Variants in PELI2 observed in about 807,000 individuals in gnomAD.
PELI2 encodes pellino E3 ubiquitin protein ligase family member 2.
In PELI2, 23 loss-of-function variants were observed where a neutral mutation model predicts 42.3. The ratio of observed to expected loss-of-function variants is 0.54; its 90% CI spans 0.39 to 0.77. The LOEUF is 0.77. Ranked by LOEUF, PELI2 falls within the 30% of genes least tolerant of loss-of-function variation. PELI2 has a pLI of 0.00. For missense variants in PELI2, 463 were observed against 553.2 expected, an observed-to-expected ratio of 0.84 and a Z score of 1.64; for synonymous variants, 245 against 212.2, an observed-to-expected ratio of 1.15 and a Z score of -1.34.
rs942084701 is a variant in PELI2, at chr14:56,128,443, C to G, written c.77+9706C>G. 5.3e-5 allele frequency among the ~76,000 whole-genome samples: 8 copies of G among 152,200 alleles called. No individual in the cohort carries two copies. The East Asian group carries it at 1.5e-3, about 29-fold the overall frequency. ...TAATGACTTGTCCAAGCTCACTCCC[C>G]TAGTTAGTGGGAATCTGATTAGAAG... is the stretch of plus-strand genomic sequence containing the variant. On this transcript the variant is annotated intron_variant, in intron 1 of 5. Transcript: ENST00000267460.
intron 1 of PELI2, among the ~76,000 whole-genome samples, chr14:56,173,575 A>G (rs1183742897): frequency 6.6e-6 from 1 of 152,138 alleles, no homozygotes; most frequent in Non-Finnish European, 1.5e-5. Context: ...TCATTCTCTT[A>G]CAGTTCTAGA....
intron 2 of PELI2, among the ~76,000 whole-genome samples, chr14:56,204,202 A>G (rs1448752647): frequency 6.6e-6 from 1 of 152,240 alleles, no homozygotes; most frequent in Non-Finnish European, 1.5e-5. Flanking sequence ...AAAGATCTCA[A>G]AGTTGGTGAA....
At chr14:56,137,242 T>C (rs1424344231) in intron 1 of PELI2, among the ~76,000 whole-genome samples, 4 of 151,916 alleles carry the variant, frequency 2.6e-5, no homozygotes, top group African/African-American at 9.7e-5. Context: ...TGAGTGTGTA[T>C]AGTAAGATGA....
chr14:56,286,756 T>C (rs925875425), intron 3 of PELI2, among the ~76,000 whole-genome samples: 5 of 152,194 alleles, frequency 3.3e-5, no homozygotes, highest in Non-Finnish European at 5.9e-5. Flanking sequence ...TTTGTTGTTG[T>C]TGTTGTTTTG....
At chr14:56,125,926 T>C (rs1883242220) in intron 1 of PELI2, among the ~76,000 whole-genome samples, 1 of 152,140 alleles carries the variant, frequency 6.6e-6, no homozygotes, top group South Asian at 2.1e-4. Context: ...CACATGGAGA[T>C]GTGGCCAGGG....
At chr14:56,248,883 A>G (rs577510766) in intron 2 of PELI2, among the ~76,000 whole-genome samples, 6 of 152,106 alleles carry the variant, frequency 3.9e-5, no homozygotes, top group South Asian at 4.2e-4. Flanking sequence ...CTGCCATGCC[A>G]CTTGTAGAGG....
chr14:56,165,937 T>C (rs1223002320), intron 1 of PELI2, among the ~76,000 whole-genome samples: 5 of 152,174 alleles, frequency 3.3e-5, no homozygotes, highest in Admixed American at 1.3e-4. Flanking sequence ...AGGCAACAGA[T>C]CAATGGGTCA....
chr14:56,217,295 C>G (rs536252376), intron 2 of PELI2, among the ~76,000 whole-genome samples: 2 of 152,336 alleles, frequency 1.3e-5, no homozygotes, highest in Admixed American at 1.3e-4. Flanking sequence ...CCCTCCACCT[C>G]CTGGCAGGCC....
At chr14:56,165,513 A>C (rs538086433) in intron 1 of PELI2, among the ~76,000 whole-genome samples, 4 of 152,174 alleles carry the variant, frequency 2.6e-5, no homozygotes, top group Admixed American at 2.0e-4. Context: ...AATGTGGTCT[A>C]TCCTTGAGAA....
At chr14:56,234,456 A>G (rs1419906147) in intron 2 of PELI2, among the ~76,000 whole-genome samples, 1 of 152,188 alleles carries the variant, frequency 6.6e-6, no homozygotes, top group Admixed American at 6.5e-5. Flanking sequence ...TTGTAGGGAC[A>G]TGGGTGAAGC....
chr14:56,257,587 G>A (rs573006825), intron 2 of PELI2, among the ~76,000 whole-genome samples: 14 of 152,182 alleles, frequency 9.2e-5, no homozygotes, highest in African/African-American at 3.1e-4. Context: ...AAATGTATGC[G>A]AAAAAGAATT....
chr14:56,210,688 G>A lies in PELI2; in HGVS notation c.207+32224G>A, dbSNP rs113809929. On this transcript the variant is annotated intron_variant, in intron 2 of 5. Coordinates refer to ENST00000267460, the MANE Select transcript of PELI2 (RefSeq NM_021255.3). The stretch of plus-strand genomic sequence containing the variant: ...TCTGCAATTAAGGAGGTCAGAGAAC[G>A]AAAAGGCTAAGGTTCCATTTGGCCA... Among the ~76,000 whole-genome samples, 7 of 152,266 alleles carry A rather than the reference G, an allele frequency of 4.6e-5. 1 individual carries two copies. The highest frequency in any genetic ancestry group is 2.0e-4 in the Admixed American group (3 of 15,308).
intron 2 of PELI2, among the ~76,000 whole-genome samples, chr14:56,267,506 G>T (rs986039653): frequency 6.6e-6 from 1 of 152,126 alleles, no homozygotes; most frequent in Admixed American, 6.6e-5. Flanking sequence ...TACTTCCAAG[G>T]AAAGACATTC....
At chr14:56,159,263 G>C (rs117227587) in intron 1 of PELI2, among the ~76,000 whole-genome samples, 1 of 152,170 alleles carries the variant, frequency 6.6e-6, no homozygotes, top group African/African-American at 2.4e-5. Context: ...GTGGCTTTGC[G>C]CCTGCTGTGT....
At chr14:56,166,552 G>A (rs1325482860) in intron 1 of PELI2, among the ~76,000 whole-genome samples, 2 of 152,142 alleles carry the variant, frequency 1.3e-5, no homozygotes, top group African/African-American at 2.4e-5. Context: ...TGTAGGAGGG[G>A]TCTGGTATTG....
At chr14:56,279,218 C>A (rs1294344152) in intron 2 of PELI2, among the ~76,000 whole-genome samples, 4 of 152,116 alleles carry the variant, frequency 2.6e-5, no homozygotes, top group African/African-American at 9.7e-5. Context: ...TTAATTAGAA[C>A]ATTGACAGAT....
At chr14:56,164,847 T>C (rs149762935) in intron 1 of PELI2, among the ~76,000 whole-genome samples, 1,564 of 152,250 alleles carry the variant, frequency 0.01, 10 homozygotes, top group Non-Finnish European at 0.018. Context: ...TAGCCACTAA[T>C]GATCATTTGG....
At chr14:56,248,531 G>T (rs907161921) in intron 2 of PELI2, among the ~76,000 whole-genome samples, 5 of 152,120 alleles carry the variant, frequency 3.3e-5, no homozygotes, top group Non-Finnish European at 7.4e-5. Context: ...CTCCAGGCTG[G>T]CAGGGAGCCT....
chr14:56,242,538 G>C (rs1320268220), intron 2 of PELI2, among the ~76,000 whole-genome samples: 1 of 152,198 alleles, frequency 6.6e-6, no homozygotes, highest in Non-Finnish European at 1.5e-5. Context: ...CTATGAAAAA[G>C]ACACTTGCAC....
Sources: gnomAD v4.1 joint callset for allele counts (sites outside exome capture counted in the v4.1 genomes callset) on GRCh38, gnomAD v4.1.1 for gene constraint, MANE v1.5 for transcripts, NCBI Gene and HGNC (gene_info 2026-07-23, HGNC 2026-07-21) for gene names.